The following AVL9 variants were observed in gnomAD, a reference collection of about 807,000 sequenced individuals.
The protein encoded by AVL9 is AVL9 cell migration associated.
A neutral mutation model predicts 79.2 loss-of-function variants in AVL9; 49 were observed. The observed-to-expected ratio is 0.62, with a 90% CI of 0.49 to 0.79. The LOEUF is 0.79. AVL9 is among the 30% of genes least tolerant of loss of function. AVL9 has a pLI of 0.00. For synonymous variants in AVL9, 299 were observed against 280.6 expected (o/e 1.07, Z -0.65); for missense variants, 682 against 776.8 (o/e 0.88, Z 1.45).
rs145081709 is a variant in AVL9 at position 32,517,055 on chromosome 7, C to T, written c.93+21253C>T. Among the ~76,000 whole-genome samples, 19 of 152,192 alleles carry T rather than the reference C, an allele frequency of 1.2e-4. No individual in the cohort carries two copies. In the East Asian group the frequency reaches 3.5e-3, roughly 28 times the overall value. ...ATCCACTGTTTGTATTCAACCATTT[C>T]GTTTTTGTTATTGTTAATTGTTTTT... On this transcript the variant is annotated intron_variant, in intron 1 of 15. Transcript: ENST00000318709.
At chr7:32,530,307 T>C (rs970154167) in intron 1 of AVL9, among the ~76,000 whole-genome samples, 3 of 152,216 alleles carry the variant, frequency 2.0e-5, no homozygotes, top group African/African-American at 7.2e-5. Context: ...TCATAACTAG[T>C]AAATGTATTT....
At chr7:32,573,738 TC>T (rs1292831032) in intron 12 of AVL9, among the ~76,000 whole-genome samples, 2 of 152,228 alleles carry the variant, frequency 1.3e-5, no homozygotes, top group Non-Finnish European at 2.9e-5. Context: ...TGAACATATA[TC>T]ATCACTTTTA....
At position 32,579,052 on chromosome 7, in the gene AVL9, A is replaced by T. The variant is rs956500397; in HGVS notation, c.1689-1167A>T. 6.6e-5 allele frequency among the ~76,000 whole-genome samples: 10 copies of T among 151,550 alleles called. 1 individual carries two copies. Among genetic ancestry groups the T allele is most frequent in the Admixed American group, 4.6e-4 (7 of 15,098 alleles). ...TGTGATTCAGGAATCCAAGAAGAAGAAGTGTCACATATACTTACTTTGGGC... is the reference window on the plus strand; with the variant it reads ...TGTGATTCAGGAATCCAAGAAGAAGTAGTGTCACATATACTTACTTTGGGC... On this transcript the variant is annotated intron_variant, in intron 13 of 15. Transcript: ENST00000318709.
intron 1 of AVL9, among the ~76,000 whole-genome samples, chr7:32,518,731 T>C (rs1418537745): frequency 6.6e-6 from 1 of 152,194 alleles, no homozygotes; most frequent in Non-Finnish European, 1.5e-5. Flanking sequence ...TCCAAGCATG[T>C]CGTGAATGAT....
Position 32,584,581 on chromosome 7 carries a change from G to C in AVL9, c.*674G>C, listed in dbSNP as rs879229930. 1 of 152,870 alleles carries C rather than the reference G, an allele frequency of 6.5e-6. No homozygotes were observed. Among genetic ancestry groups the C allele is most frequent in the Non-Finnish European group, 1.5e-5 (1 of 68,604 alleles). The allele number at this position is 152,870 out of a possible 1,614,324, so 9.5% of individuals were successfully genotyped here. A position where few individuals can be genotyped will look rare whatever the true frequency, so the allele number is the denominator to read the frequency against. On this transcript the variant is annotated 3_prime_UTR_variant, in exon 16 of 16. Transcript: ENST00000318709. ...CTGTGCTTTCCTCCTCTTTATAACT[G>C]TGCAGGTGGGTGTGCAGAGAAATAG...
At chr7:32,576,520 A>G (rs1007769970) in intron 13 of AVL9, among the ~76,000 whole-genome samples, 2 of 152,350 alleles carry the variant, frequency 1.3e-5, no homozygotes, top group South Asian at 4.1e-4. Flanking sequence ...AGCTGGGCTC[A>G]TGCCTGTAAT....
At chr7:32,539,796 A>G (rs764702340) in intron 1 of AVL9, among the ~76,000 whole-genome samples, 2 of 152,130 alleles carry the variant, frequency 1.3e-5, no homozygotes, top group Non-Finnish European at 2.9e-5. Flanking sequence ...GCTCCAGGAG[A>G]GACTCGATTT....
intron 10 of AVL9, among the ~76,000 whole-genome samples, chr7:32,568,600 T>C (rs1004032400): frequency 4.9e-4 from 75 of 152,294 alleles, no homozygotes; most frequent in African/African-American, 1.8e-3. Context: ...AGAGTTTGGA[T>C]TCGAGTTTTT....
At chr7:32,542,385 C>CAAAA (rs567774011) in intron 1 of AVL9, among the ~76,000 whole-genome samples, 2 of 90,618 alleles carry the variant, frequency 2.2e-5, no homozygotes, top group African/African-American at 3.7e-5. Context: ...AGTAAAAATA[C>CAAAA]AAAAAAAAAA....
chr7:32,517,531 C>T (rs1275848371), intron 1 of AVL9, among the ~76,000 whole-genome samples: 1 of 151,960 alleles, frequency 6.6e-6, no homozygotes, highest in Non-Finnish European at 1.5e-5. Context: ...GTCTTGAACT[C>T]CTGACCTCGT....
intron 1 of AVL9, chr7:32,533,301 T>C (rs1234100998): frequency 6.6e-6 from 1 of 152,134 alleles, no homozygotes; most frequent in Non-Finnish European, 1.5e-5. Context: ...AGCCAGACTG[T>C]GTCTCAAGAA....
In AVL9 at chr7:32,559,200, A is replaced by T; in HGVS notation, c.951A>T (p.Lys317Asn). ...CCAATGATACCAATCAATATTTGAAACCTCCATCTCGCCCATCTCCAGATT... is the reference window on the plus strand; with the variant it reads ...CCAATGATACCAATCAATATTTGAATCCTCCATCTCGCCCATCTCCAGATT... The part of the protein sequence containing the change: ...QEPNDTNQYL[K>N]PPSRPSPDSS... The change falls in exon 10 of 16, where the codon AAA (lysine) becomes AAT (asparagine). Residue 317 changes from lysine (K) to asparagine (N), a missense_variant. Physicochemically the swap from Lys to Asn is moderately conservative, Grantham distance 94. Transcript: ENST00000318709. The T allele has an allele frequency of 6.2e-7, 1 of 1,613,974 alleles. No individual in the cohort carries two copies. Among genetic ancestry groups the T allele is most frequent in the Non-Finnish European group, 8.5e-7 (1 of 1,179,992 alleles).
intron 8 of AVL9, 28 bp from the exon 9 acceptor site, chr7:32,558,531 A>C (rs1400887945): frequency 6.5e-7 from 1 of 1,546,220 alleles, no homozygotes; most frequent in Non-Finnish European, 8.8e-7. Context: ...TGGGTCTTCT[A>C]ATTTGATTTT....
At chr7:32,556,750 G>A (rs1790082060) in intron 8 of AVL9, among the ~76,000 whole-genome samples, 1 of 152,030 alleles carries the variant, frequency 6.6e-6, no homozygotes, top group African/African-American at 2.4e-5. Flanking sequence ...TCACTATCCA[G>A]CCACAGAACA....
chr7:32,563,532 G>T (rs1400280273), intron 10 of AVL9, among the ~76,000 whole-genome samples: 2 of 149,048 alleles, frequency 1.3e-5, no homozygotes, highest in East Asian at 3.9e-4. Flanking sequence ...CCATGAGCCA[G>T]ACACCATACT....
intron 8 of AVL9, among the ~76,000 whole-genome samples, chr7:32,556,133 G>T (rs1330480466): frequency 6.6e-6 from 1 of 152,280 alleles, no homozygotes; most frequent in East Asian, 1.9e-4. Context: ...GGGACTGGAA[G>T]TAAAGATATC....
chr7:32,554,557 G>T lies in AVL9; in HGVS notation c.571-1G>T. 1 of 1,518,980 alleles carries T rather than the reference G, an allele frequency of 6.6e-7. No homozygotes were observed. Among genetic ancestry groups the T allele is most frequent in the South Asian group, 1.3e-5 (1 of 78,856 alleles). The allele number at this position is 1,518,980 out of a possible 1,614,324, so 94.1% of individuals were successfully genotyped here. On this transcript the variant is annotated splice_acceptor_variant, in intron 7 of 15. Transcript: ENST00000318709. LOFTEE classifies it high-confidence loss of function. Reference sequence around the variant, plus strand: ...TACAACATTTTTTTTTCCTTTTGCAGGTCTTAATCCTATTTAAGCTAATTC... The same window carrying T: ...TACAACATTTTTTTTTCCTTTTGCATGTCTTAATCCTATTTAAGCTAATTC...
intron 1 of AVL9, among the ~76,000 whole-genome samples, chr7:32,513,631 C>T (rs1248852216): frequency 6.6e-6 from 1 of 152,220 alleles, no homozygotes; most frequent in Non-Finnish European, 1.5e-5. Flanking sequence ...CCCCTCCACA[C>T]CTGTGGGTAT....
intron 3 of AVL9, among the ~76,000 whole-genome samples, chr7:32,545,474 C>T (rs1207592637): frequency 6.8e-6 from 1 of 148,086 alleles, no homozygotes; most frequent in African/African-American, 2.5e-5. Flanking sequence ...AGCTCAAGCC[C>T]TCCTCCCATC....
Sources: gnomAD v4.1 joint callset for allele counts (sites outside exome capture counted in the v4.1 genomes callset) on GRCh38, gnomAD v4.1.1 for gene constraint, MANE v1.5 for transcripts, NCBI Gene and HGNC (gene_info 2026-07-23, HGNC 2026-07-21) for gene names.